Variants in SNX21 observed in about 807,000 individuals in gnomAD.
The protein encoded by SNX21 is sorting nexin family member 21, also known as sorting nexin-21.
SNX21 carries 36 observed loss-of-function variants against 30.9 expected under a neutral mutation model. The ratio of observed to expected loss-of-function variants is 1.16; its 90% confidence interval spans 0.89 to 1.54. The LOEUF (loss-of-function observed/expected upper bound fraction) is 1.54. Ranked by LOEUF, SNX21 falls within the 40% of genes most tolerant of loss-of-function variation. SNX21 has a pLI of 0.00. For synonymous variants in SNX21, 218 were observed against 222.7 expected (o/e 0.98, Z 0.19); for missense variants, 508 against 516.5 (o/e 0.98, Z 0.16).
rs1390906264 is a variant in SNX21, at chr20:45,841,167, C to G, written c.976C>G (p.Leu326Val). Residue 326 changes from leucine to valine, a missense_variant, in exon 4 of 4, where the codon CTG (leucine) becomes GTG (valine). Coordinates refer to ENST00000491381, the MANE Select transcript of SNX21 (RefSeq NM_033421.4). Reference sequence around the variant, plus strand: ...CCTCCACCCTTTGCTGGCACCCTTTCTGGAGGCCCATGTCCGGCTCTCCTG... The same window carrying G: ...CCTCCACCCTTTGCTGGCACCCTTTGTGGAGGCCCATGTCCGGCTCTCCTG... The part of the protein sequence containing the change: ...KSLHPLLAPF[L>V]EAHVRLSWRL... The G allele has an allele frequency of 6.2e-7, 1 of 1,613,844 alleles. No homozygotes were observed. Among genetic ancestry groups the G allele is most frequent in the South Asian group, 1.1e-5 (1 of 91,080 alleles).
At chr20:45,835,671 A>T (rs1411884383) in intron 3 of SNX21, among the ~76,000 whole-genome samples, 1 of 152,224 alleles carries the variant, frequency 6.6e-6, no homozygotes, top group Admixed American at 6.5e-5. Flanking sequence ...TGTGCCTGGC[A>T]TTATGACGTG....
chr20:45,836,736 T>TC lies in SNX21; in HGVS notation c.447+1620_447+1621insC, dbSNP rs1272444615. ...TACACTGGAAGGGGACACCAAGGAA[T>TC]AGTTCAGAGGCTGAGAGGAATGGGG... is the stretch of plus-strand genomic sequence containing the variant. On this transcript the variant is annotated intron_variant, in intron 3 of 3. Transcript: ENST00000491381. Among the ~76,000 whole-genome samples the TC allele has an allele frequency of 2.0e-5, 3 of 152,074 alleles. No homozygotes were observed. In the East Asian group the frequency reaches 5.8e-4, roughly 29 times the overall value.
chr20:45,834,027 G>C (rs1350702286), intron 1 of SNX21, 87 bp downstream of exon 1: 75 of 1,423,062 alleles, frequency 5.3e-5, no homozygotes, highest in East Asian at 2.7e-5. Context: ...GAGTGGGTTG[G>C]GGGGAAAGCG....
rs761101880 is a variant in SNX21, at chr20:45,835,009, C to G, written c.340C>G (p.Gln114Glu). Residue 114 changes from glutamine (Q) to glutamate (E), a missense_variant, in exon 3 of 4, where the codon CAG becomes GAG. Gln to Glu is a conservative substitution (Grantham distance 29, BLOSUM62 2). Transcript: ENST00000491381. ...GTGGGGCAGTCAGCTCCTGGCGCGG[C>G]AGCTGCAGGATTTCTGGAAGAAGTC... is the stretch of plus-strand genomic sequence containing the variant. ...GQWGSQLLAR[Q>E]LQDFWKKSRN... is the part of the protein sequence containing the mutation. 4 of 1,614,182 alleles carry G rather than the reference C, an allele frequency of 2.5e-6. No individual in the cohort carries two copies. The highest frequency in any genetic ancestry group is 3.3e-5 in the Admixed American group (2 of 60,032).
chr20:45,840,021 C>CACTG, intron 3 of SNX21: 1 of 424,970 alleles, frequency 2.4e-6, no homozygotes, highest in Non-Finnish European at 3.1e-6. Flanking sequence ...TTTGGACAAA[C>CACTG]ACTGACTTGA....
intron 1 of SNX21, 23 bp downstream of exon 1, chr20:45,833,963 A>G (rs1228614572): frequency 1.4e-6 from 2 of 1,440,554 alleles, no homozygotes; most frequent in Non-Finnish European, 1.8e-6. Context: ...GAGGCGGCGC[A>G]AGAGACATCG....
chr20:45,841,286 A>G lies in SNX21; in HGVS notation c.1095A>G (p.Glu365=), dbSNP rs1268566208. ...CCACACCACCCCCCAGTCTCAAAGA[A>G]TTGCTCATCAAGGAGGTGCTGGACT... ...LTPTPPPSLK[E]LLIKEVLD The change falls in exon 4 of 4, where the codon GAA becomes GAG. Residue 365 remains glutamate (E), a synonymous_variant. Transcript: ENST00000491381. The G allele has an allele frequency of 8.9e-6, 14 of 1,578,204 alleles. No individual in the cohort carries two copies. Among genetic ancestry groups the G allele is most frequent in the Non-Finnish European group, 1.2e-5 (14 of 1,165,152 alleles).
Position 45,835,114 on chromosome 20 carries a change from G to A in SNX21, c.445G>A (p.Val149Met), listed in dbSNP as rs776833056. 1.4e-5 allele frequency: 22 copies of A among 1,612,402 alleles called. No individual in the cohort carries two copies. The highest frequency in any genetic ancestry group is 1.8e-5 in the Non-Finnish European group (21 of 1,178,914). Residue 149 changes from valine to methionine, a missense_variant and splice_region_variant, in exon 3 of 4, where the codon GTG becomes ATG. Physicochemically the swap from Val to Met is conservative, Grantham distance 21. Coordinates refer to ENST00000491381, the MANE Select transcript of SNX21 (RefSeq NM_033421.4). ...TGTCAAGGACCCGCCCTCCAAGTACGTGGTGAGTGAGGGTCTAGAACCCCT... is the reference window on the plus strand; with the variant it reads ...TGTCAAGGACCCGCCCTCCAAGTACATGGTGAGTGAGGGTCTAGAACCCCT... ...NVVKDPPSKYVLYTLAVIGPG... is the reference protein window; with the variant it reads ...NVVKDPPSKYMLYTLAVIGPG...
chr20:45,836,928 C>A (rs1468054253), intron 3 of SNX21, among the ~76,000 whole-genome samples: 2 of 152,188 alleles, frequency 1.3e-5, no homozygotes, highest in East Asian at 3.8e-4. Context: ...ATCAGATCAA[C>A]CTGAGTTTAA....
In SNX21 at chr20:45,842,919, AAGG is replaced by A. The variant is rs1601086546; in HGVS notation, c.*1610_*1612del. 2.0e-6 allele frequency: 2 copies of A among 1,006,190 alleles called. No homozygotes were observed. The highest frequency in any genetic ancestry group is 2.4e-6 in the Non-Finnish European group (2 of 841,320). 62.3% of individuals were successfully genotyped at this position (1,006,190 alleles called of 1,614,324 possible). On this transcript the variant is annotated 3_prime_UTR_variant, in exon 4 of 4. Transcript: ENST00000491381. ...TTCATTTGAAATGTACTCCCTTGGA[AAGG>A]AGGTCAGGGTTCTGAAGCTAGACAT...
Position 45,842,558 on chromosome 20 carries a change from C to T in SNX21, c.*1245C>T, listed in dbSNP as rs1984300404. 3 of 997,624 alleles carry T rather than the reference C, an allele frequency of 3.0e-6. No individual in the cohort carries two copies. The highest frequency in any genetic ancestry group is 4.4e-5 in the South Asian group (1 of 22,590). 61.8% of individuals were successfully genotyped at this position (997,624 alleles called of 1,614,324 possible). A position where few individuals can be genotyped will look rare whatever the true frequency, so the allele number is the denominator to read the frequency against. On this transcript the variant is annotated 3_prime_UTR_variant, in exon 4 of 4. Coordinates refer to ENST00000491381, the MANE Select transcript of SNX21 (RefSeq NM_033421.4). ...TTGAGGCCATGAGGTCTGGCCTCTT[C>T]CCTCCCCATCTGGAGACTCTTTCTC... is the stretch of plus-strand genomic sequence containing the variant.
At chr20:45,837,700 A>G (rs1404906113) in intron 3 of SNX21, among the ~76,000 whole-genome samples, 1 of 152,080 alleles carries the variant, frequency 6.6e-6, no homozygotes, top group Admixed American at 6.5e-5. Flanking sequence ...TTCTTGTCCT[A>G]TCTAAAAATG....
At chr20:45,839,042 T>A (rs932505848) in intron 3 of SNX21, among the ~76,000 whole-genome samples, 4 of 151,912 alleles carry the variant, frequency 2.6e-5, no homozygotes, top group African/African-American at 4.8e-5. Context: ...TACAGGCATG[T>A]GCCACCACGC....
intron 3 of SNX21, among the ~76,000 whole-genome samples, chr20:45,835,535 A>G (rs1481748783): frequency 1.3e-5 from 2 of 152,188 alleles, no homozygotes; most frequent in African/African-American, 4.8e-5. Context: ...ACTTATTTCC[A>G]GTTGTTTGAC....
rs1984083694 is a variant in SNX21, at chr20:45,841,225, C to G, written c.1034C>G (p.Ala345Gly). The change falls in exon 4 of 4, where the codon GCT becomes GGT. Residue 345 changes from alanine (A) to glycine (G), a missense_variant. Physicochemically the swap from Ala to Gly is moderately conservative, Grantham distance 60. Transcript: ENST00000491381. ...GGCCTGGACAAACGTCAATCAGAGG[C>G]TCGGCTCCAAGCCCTGCAGGAGGCA... is the stretch of plus-strand genomic sequence containing the variant. ...RLGLDKRQSE[A>G]RLQALQEAGL... The G allele has an allele frequency of 6.2e-7, 1 of 1,613,648 alleles. No homozygotes were observed. The highest frequency in any genetic ancestry group is 8.5e-7 in the Non-Finnish European group (1 of 1,179,846).
intron 3 of SNX21, chr20:45,838,257 CTTT>C (rs1380980616): frequency 6.9e-6 from 1 of 144,158 alleles, no homozygotes; most frequent in Non-Finnish European, 1.5e-5. Flanking sequence ...TTTTCTTTTT[CTTT>C]TTTTTAGAGA....
At chr20:45,834,677 C>CA in intron 2 of SNX21, 1 of 694,640 alleles carries the variant, frequency 1.4e-6, no homozygotes, top group Non-Finnish European at 2.3e-6. Flanking sequence ...TGGGAGAACT[C>CA]ACTCTCATCT....
At chr20:45,840,027 C>A in intron 3 of SNX21, 1 of 483,296 alleles carries the variant, frequency 2.1e-6, no homozygotes, top group Non-Finnish European at 2.7e-6. Flanking sequence ...CAAACACTGA[C>A]TTGACCGAGC....
At chr20:45,834,885 G>A (rs1983381317) in intron 2 of SNX21, 74 bp from the exon 3 acceptor site, 4 of 1,538,332 alleles carry the variant, frequency 2.6e-6, no homozygotes, top group Non-Finnish European at 3.5e-6. Flanking sequence ...CTGGGAGGAT[G>A]AGTGAGGCCA....
Sources: allele counts gnomAD v4.1 joint callset (sites outside exome capture counted in the v4.1 genomes callset), GRCh38; gene constraint gnomAD v4.1.1; transcripts MANE v1.5; gene names NCBI Gene and HGNC (gene_info 2026-07-23, HGNC 2026-07-21).